Variants in PCDH11X observed in about 807,000 individuals in gnomAD.
PCDH11X encodes protocadherin-11 X-linked.
Under a neutral mutation model 53.3 loss-of-function variants are expected in PCDH11X, and 18 were observed. The ratio of observed to expected loss-of-function variants is 0.34; its 90% CI spans 0.23 to 0.50. PCDH11X has a LOEUF of 0.50. Among genes scored for constraint, PCDH11X ranks in the 20% least tolerant of loss-of-function variants. The pLI is 0.98. For missense variants in PCDH11X, 570 were observed against 1,032.4 expected (o/e 0.55, Z 6.14); for synonymous variants, 279 against 393.3 (o/e 0.71, Z 3.44).
intron 7 of PCDH11X, among the ~76,000 whole-genome samples, chrX:92,251,130 G>A (rs2067454161): frequency 9.0e-6 from 1 of 110,625 alleles, no homozygotes; most frequent in South Asian, 3.8e-4. Flanking sequence ...CGAATATTCT[G>A]AAGCAGGAAC....
chrX:91,933,720 A>G (rs1463115402), intron 6 of PCDH11X, among the ~76,000 whole-genome samples: 1 of 111,526 alleles, frequency 9.0e-6, no homozygotes, highest in Admixed American at 9.5e-5. Context: ...GGTAGTAAGC[A>G]GTTATTCCTA....
At chrX:92,440,921 T>C (rs2072499038) in intron 9 of PCDH11X, among the ~76,000 whole-genome samples, 1 of 111,422 alleles carries the variant, frequency 9.0e-6, no homozygotes, top group Non-Finnish European at 1.9e-5. Flanking sequence ...ACTTGTTGAA[T>C]GGCTTTGACT....
intron 6 of PCDH11X, among the ~76,000 whole-genome samples, chrX:92,023,496 A>G (rs1165547490): frequency 7.2e-5 from 8 of 110,819 alleles, no homozygotes; most frequent in Non-Finnish European, 1.5e-4. Context: ...AACCAATAAC[A>G]AGTTCTGAAA....
At chrX:92,472,935 T>A (rs145827753) in intron 10 of PCDH11X, among the ~76,000 whole-genome samples, 2,049 of 110,065 alleles carry the variant, frequency 0.019, 50 homozygotes, top group African/African-American at 0.065. Flanking sequence ...TGTTGATGTA[T>A]AGGAATGCCA....
At chrX:91,963,280 A>T (rs757708485) in intron 6 of PCDH11X, among the ~76,000 whole-genome samples, 66 of 111,214 alleles carry the variant, frequency 5.9e-4, no homozygotes, top group African/African-American at 1.9e-3. Flanking sequence ...AATGCTTTTA[A>T]CAGCACCCAC....
chrX:92,585,252 C>A (rs1924243460), intron 10 of PCDH11X, among the ~76,000 whole-genome samples: 1 of 111,101 alleles, frequency 9.0e-6, no homozygotes, highest in Non-Finnish European at 1.9e-5. Flanking sequence ...CCCACCAGGC[C>A]CCCTGCCTCC....
At chrX:92,531,453 TAA>T (rs1370320822) in intron 10 of PCDH11X, among the ~76,000 whole-genome samples, 1 of 111,606 alleles carries the variant, frequency 9.0e-6, no homozygotes, top group Non-Finnish European at 1.9e-5. Flanking sequence ...GTTTAATTCA[TAA>T]AGATATTTAT....
intron 10 of PCDH11X, among the ~76,000 whole-genome samples, chrX:92,577,997 T>C (rs1440548952): frequency 1.8e-5 from 2 of 108,894 alleles, no homozygotes; most frequent in East Asian, 5.7e-4. Flanking sequence ...TGGCAAAGAA[T>C]GCATATTCTG....
intron 8 of PCDH11X, among the ~76,000 whole-genome samples, chrX:92,358,206 A>T (rs1225267050): frequency 9.7e-6 from 1 of 103,490 alleles, no homozygotes; most frequent in Non-Finnish European, 2.0e-5. Context: ...CTCAGAAGAG[A>T]CATCTAACTG....
chrX:92,355,617 C>T (rs1409804180), intron 8 of PCDH11X, among the ~76,000 whole-genome samples: 8 of 103,777 alleles, frequency 7.7e-5, no homozygotes, highest in Middle Eastern at 4.5e-3. Flanking sequence ...CATTTATTCA[C>T]GGTAGTTTAT....
intron 8 of PCDH11X, among the ~76,000 whole-genome samples, chrX:92,357,015 G>A (rs1196725166): frequency 1.8e-5 from 2 of 111,204 alleles, no homozygotes; most frequent in Non-Finnish European, 3.8e-5. Context: ...AATGCCAAGA[G>A]CAGGTGGCTG....
At chrX:91,989,748 G>A (rs183173871) in intron 6 of PCDH11X, among the ~76,000 whole-genome samples, 2 of 110,286 alleles carry the variant, frequency 1.8e-5, no homozygotes, top group Non-Finnish European at 3.8e-5. Flanking sequence ...TCAATGTTCT[G>A]AGAAGTCCTT....
intron 7 of PCDH11X, among the ~76,000 whole-genome samples, chrX:92,214,498 A>G (rs1259526315): frequency 9.0e-6 from 1 of 111,519 alleles, no homozygotes; most frequent in East Asian, 2.8e-4. Context: ...ACTTGGGGGT[A>G]TTTGTATCAT....
chrX:92,391,742 A>T (rs1261192813), intron 9 of PCDH11X, among the ~76,000 whole-genome samples: 1 of 111,081 alleles, frequency 9.0e-6, no homozygotes, highest in African/African-American at 3.3e-5. Flanking sequence ...CTGCTATTTC[A>T]CTATAGGTAA....
chrX:92,150,537 G>T (rs774216803), intron 6 of PCDH11X, among the ~76,000 whole-genome samples: 1 of 108,619 alleles, frequency 9.2e-6, no homozygotes, highest in African/African-American at 3.4e-5. Context: ...TTTATAATAG[G>T]TCTCAGGTTT....
chrX:92,612,828 T>C (rs771738591), intron 10 of PCDH11X, among the ~76,000 whole-genome samples: 1 of 109,292 alleles, frequency 9.1e-6, no homozygotes, highest in African/African-American at 3.3e-5. Flanking sequence ...TGTATGTGTA[T>C]AGTTAAGTCT....
At chrX:92,564,955 C>G (rs1335044019) in intron 10 of PCDH11X, among the ~76,000 whole-genome samples, 1 of 110,592 alleles carries the variant, frequency 9.0e-6, no homozygotes, top group Admixed American at 9.7e-5. Context: ...AAAATAAGAA[C>G]AGAAGATCTG....
At chrX:92,215,630 A>C (rs1222513978) in intron 7 of PCDH11X, among the ~76,000 whole-genome samples, 1 of 78,582 alleles carries the variant, frequency 1.3e-5, no homozygotes, top group Admixed American at 1.6e-4. Flanking sequence ...GGCAGGGCAC[A>C]GACAAACAAA....
At chrX:92,216,814 T>C in intron 7 of PCDH11X, among the ~76,000 whole-genome samples, 1 of 101,981 alleles carries the variant, frequency 9.8e-6, no homozygotes, top group East Asian at 3.1e-4. Context: ...AAGGTCGGGT[T>C]ACCCACAAAG....
Sources: allele counts gnomAD v4.1 joint callset (sites outside exome capture counted in the v4.1 genomes callset), GRCh38; gene constraint gnomAD v4.1.1; transcripts MANE v1.5; gene names NCBI Gene and HGNC (gene_info 2026-07-23, HGNC 2026-07-21).